Variants in PTPRG observed in about 807,000 individuals in gnomAD.
PTPRG encodes the protein protein tyrosine phosphatase receptor type G.
A neutral mutation model predicts 165.3 loss-of-function variants in PTPRG; 102 were observed. That is an observed-to-expected ratio of 0.62 (90% CI 0.53 to 0.73). PTPRG has a LOEUF of 0.73. Ranked by LOEUF, PTPRG falls within the 30% of genes least tolerant of loss-of-function variation. PTPRG has a pLI of 0.00. For synonymous variants in PTPRG, 675 were observed against 669.5 expected (o/e 1.01, Z -0.13); for missense variants, 1,866 against 1,861.4 (o/e 1.00, Z -0.05).
chr3:61,968,083 C>G (rs2107654080), intron 2 of PTPRG, among the ~76,000 whole-genome samples: 1 of 152,292 alleles, frequency 6.6e-6, no homozygotes, highest in African/African-American at 2.4e-5. Context: ...TGACATGTTA[C>G]TCTTCCATGA....
At chr3:62,110,795 T>G (rs537162150) in intron 5 of PTPRG, among the ~76,000 whole-genome samples, 4 of 152,368 alleles carry the variant, frequency 2.6e-5, no homozygotes, top group African/African-American at 9.6e-5. Flanking sequence ...TACACAATAC[T>G]TGCTGGTAGA....
At chr3:62,078,521 C>T (rs1301912716) in intron 5 of PTPRG, among the ~76,000 whole-genome samples, 1 of 152,116 alleles carries the variant, frequency 6.6e-6, no homozygotes, top group African/African-American at 2.4e-5. Context: ...ATCTAAGTTA[C>T]TTCGCCGCTG....
intron 5 of PTPRG, among the ~76,000 whole-genome samples, chr3:62,109,820 T>C (rs1702603171): frequency 6.6e-6 from 1 of 152,176 alleles, no homozygotes. Flanking sequence ...CTATGCTTTC[T>C]GGTAAATTTT....
At chr3:62,133,527 C>T (rs562782963) in intron 6 of PTPRG, among the ~76,000 whole-genome samples, 8 of 152,126 alleles carry the variant, frequency 5.3e-5, no homozygotes, top group African/African-American at 7.2e-5. Context: ...CCTCTCTTTC[C>T]GTGAAACTAA....
intron 2 of PTPRG, among the ~76,000 whole-genome samples, chr3:61,938,297 GTGTATAAAGTTGTT>G (rs1168804647): frequency 6.7e-6 from 1 of 149,930 alleles, no homozygotes; most frequent in Non-Finnish European, 1.5e-5. Context: ...CATGATACGG[GTGTATAAAGTTGTT>G]TGTATGACCA....
chr3:61,856,783 C>T (rs1454786716), intron 2 of PTPRG, among the ~76,000 whole-genome samples: 3 of 152,094 alleles, frequency 2.0e-5, no homozygotes, highest in African/African-American at 4.8e-5. Context: ...CTCTTGGAGG[C>T]CCTTTGAAGA....
At chr3:62,160,646 T>A (rs1559584618) in intron 7 of PTPRG, among the ~76,000 whole-genome samples, 1 of 152,256 alleles carries the variant, frequency 6.6e-6, no homozygotes, top group Non-Finnish European at 1.5e-5. Context: ...TAGGATTTGT[T>A]TTCTTCTAGA....
intron 3 of PTPRG, among the ~76,000 whole-genome samples, chr3:61,992,892 C>A (rs1220555275): frequency 6.6e-6 from 1 of 152,130 alleles, no homozygotes; most frequent in Admixed American, 6.6e-5. Context: ...GTCTTGAGCT[C>A]CTGGCTTCAA....
chr3:61,787,368 C>T (rs2034737587), intron 2 of PTPRG, among the ~76,000 whole-genome samples: 1 of 152,180 alleles, frequency 6.6e-6, no homozygotes, highest in Non-Finnish European at 1.5e-5. Context: ...CCTTTCCTGC[C>T]TTTTCCCTGA....
At chr3:61,813,905 TG>T (rs397942138) in intron 2 of PTPRG, among the ~76,000 whole-genome samples, 10 of 147,278 alleles carry the variant, frequency 6.8e-5, no homozygotes, top group East Asian at 2.0e-4. Flanking sequence ...TTTTTTTTTT[TG>T]GGGGGGGTTG....
At chr3:62,226,271 T>G (rs909959806) in intron 13 of PTPRG, among the ~76,000 whole-genome samples, 4 of 152,216 alleles carry the variant, frequency 2.6e-5, no homozygotes, top group African/African-American at 9.7e-5. Flanking sequence ...AGTGCATGTT[T>G]ATGTGTCAAA....
At chr3:61,665,626 C>T (rs376370630) in intron 1 of PTPRG, among the ~76,000 whole-genome samples, 1 of 120,548 alleles carries the variant, frequency 8.3e-6, no homozygotes, top group African/African-American at 3.1e-5. Context: ...GGAGTTTAGG[C>T]CAGGCTAGGC....
chr3:62,048,728 T>C (rs1390483431), intron 4 of PTPRG, among the ~76,000 whole-genome samples: 1 of 152,232 alleles, frequency 6.6e-6, no homozygotes, highest in Non-Finnish European at 1.5e-5. Flanking sequence ...TGGTCCTTTA[T>C]TCTCTATCTA....
At chr3:61,966,743 G>A (rs1157351895) in intron 2 of PTPRG, among the ~76,000 whole-genome samples, 1 of 152,150 alleles carries the variant, frequency 6.6e-6, no homozygotes, top group African/African-American at 2.4e-5. Flanking sequence ...GGTGGCTCTA[G>A]AATTTCTATA....
At chr3:61,719,253 T>C (rs1300752501) in intron 1 of PTPRG, among the ~76,000 whole-genome samples, 1 of 152,258 alleles carries the variant, frequency 6.6e-6, no homozygotes, top group Non-Finnish European at 1.5e-5. Flanking sequence ...GTATTTTCTA[T>C]GAAGATGTAA....
intron 1 of PTPRG, among the ~76,000 whole-genome samples, chr3:61,714,372 G>A (rs2031710553): frequency 6.6e-6 from 1 of 152,174 alleles, no homozygotes; most frequent in Non-Finnish European, 1.5e-5. Context: ...CATTTCCTCA[G>A]TGGAAGACGG....
chr3:61,881,907 C>A (rs918403685), intron 2 of PTPRG, among the ~76,000 whole-genome samples: 4 of 152,114 alleles, frequency 2.6e-5, no homozygotes, highest in Admixed American at 6.5e-5. Flanking sequence ...CATTTTGGTT[C>A]CCCTGACAGT....
At chr3:62,211,120 G>A (rs1386181349) in intron 12 of PTPRG, among the ~76,000 whole-genome samples, 2 of 152,142 alleles carry the variant, frequency 1.3e-5, no homozygotes, top group Non-Finnish European at 2.9e-5. Flanking sequence ...ATCAATGAGT[G>A]AATGGATAAA....
intron 1 of PTPRG, among the ~76,000 whole-genome samples, chr3:61,563,742 T>A (rs972620482): frequency 3.9e-5 from 6 of 152,150 alleles, no homozygotes; most frequent in Non-Finnish European, 7.3e-5. Flanking sequence ...CCGTTTTTGG[T>A]GCAGCGGGTC....
Sources: allele counts gnomAD v4.1 joint callset (sites outside exome capture counted in the v4.1 genomes callset), GRCh38; gene constraint gnomAD v4.1.1; transcripts MANE v1.5; gene names NCBI Gene and HGNC (gene_info 2026-07-23, HGNC 2026-07-21).